Variants in AP3B1 observed in about 807,000 individuals in gnomAD.
AP3B1 encodes the protein AP-3 complex subunit beta-1.
In AP3B1, 61 loss-of-function variants were observed where a neutral mutation model predicts 132.5. The ratio of observed to expected loss-of-function variants is 0.46; its 90% CI spans 0.37 to 0.57. The LOEUF (loss-of-function observed/expected upper bound fraction) is 0.57, where lower values mean the gene tolerates loss of function less well. Among genes scored for constraint, AP3B1 ranks in the 20% least tolerant of loss-of-function variants. The probability of loss-of-function intolerance (pLI) is 0.00; values close to 1 mark genes in which losing one functional copy is unlikely to be tolerated. For missense variants in AP3B1, 1,120 were observed against 1,289.4 expected, an observed-to-expected ratio of 0.87 and a Z score of 2.01; for synonymous variants, 388 against 438.3, an observed-to-expected ratio of 0.89 and a Z score of 1.43.
At chr5:78,067,230 T>C (rs1183026294) in intron 22 of AP3B1, among the ~76,000 whole-genome samples, 3 of 152,190 alleles carry the variant, frequency 2.0e-5, no homozygotes, top group African/African-American at 7.2e-5. Flanking sequence ...TTAACCTAAA[T>C]ATACACGTAC....
intron 20 of AP3B1, 109 bp downstream of exon 20, chr5:78,110,097 AG>A: frequency 1.0e-6 from 1 of 987,912 alleles, no homozygotes; most frequent in South Asian, 1.5e-5. Context: ...TATAAGGGAA[AG>A]GCTTATCTAG....
chr5:78,294,675 G>T lies in AP3B1; in HGVS notation c.-96C>A. The T allele has an allele frequency of 6.3e-7, 1 of 1,587,590 alleles. No individual in the cohort carries two copies. Among genetic ancestry groups the T allele is most frequent in the East Asian group, 2.2e-5 (1 of 44,664 alleles). On this transcript the variant is annotated 5_prime_UTR_variant, in exon 1 of 27. Transcript: ENST00000255194. ...CACGGAACAAAACTAGTTCTCGTAC[G>T]GAGGAGCGCGCGCAGGCGCTTCCGG...
At chr5:78,127,030 C>T (rs950752351) in intron 17 of AP3B1, among the ~76,000 whole-genome samples, 1 of 152,104 alleles carries the variant, frequency 6.6e-6, no homozygotes, top group Non-Finnish European at 1.5e-5. Context: ...TTATTAATTC[C>T]GGCCATGCTT....
intron 3 of AP3B1, among the ~76,000 whole-genome samples, chr5:78,228,895 A>T (rs190709367): frequency 1.7e-3 from 259 of 152,342 alleles, no homozygotes; most frequent in African/African-American, 5.9e-3. Context: ...TAAAAATTCA[A>T]GAAGATTGGA....
chr5:78,240,909 C>G lies in AP3B1; in HGVS notation c.232G>C (p.Glu78Gln). Residue 78 changes from glutamate (E) to glutamine (Q), a missense_variant, in exon 3 of 27, where the codon GAA becomes CAA. Transcript: ENST00000255194. ...GMIAKGKNASELFPAVVKNVA... is the reference protein window; with the variant it reads ...GMIAKGKNASQLFPAVVKNVA... The stretch of plus-strand genomic sequence containing the variant: ...TTCTTCACAACAGCAGGAAACAGTT[C>G]AGATGCATTTTTCCCTTTTGCAATC... 6.2e-7 allele frequency: 1 copy of G among 1,613,094 alleles called. No homozygotes were observed. Among genetic ancestry groups the G allele is most frequent in the Non-Finnish European group, 8.5e-7 (1 of 1,179,324 alleles).
chr5:78,104,297 G>C (rs1344156208), intron 20 of AP3B1, among the ~76,000 whole-genome samples: 1 of 152,132 alleles, frequency 6.6e-6, no homozygotes, highest in Non-Finnish European at 1.5e-5. Flanking sequence ...TACACTGCTA[G>C]TAAATTGAGA....
intron 22 of AP3B1, among the ~76,000 whole-genome samples, chr5:78,080,544 G>A (rs886666616): frequency 1.6e-4 from 23 of 145,254 alleles, no homozygotes. Flanking sequence ...ATCGATTAGT[G>A]AGTCATGGAG....
At chr5:78,143,136 A>G (rs1753225092) in intron 14 of AP3B1, among the ~76,000 whole-genome samples, 1 of 152,126 alleles carries the variant, frequency 6.6e-6, no homozygotes, top group African/African-American at 2.4e-5. Flanking sequence ...TCAGAATTCT[A>G]TGACATACCA....
intron 21 of AP3B1, among the ~76,000 whole-genome samples, chr5:78,090,104 C>T (rs1233044558): frequency 2.0e-5 from 3 of 152,164 alleles, no homozygotes; most frequent in African/African-American, 7.2e-5. Flanking sequence ...TAAGACTCTT[C>T]AAAGGCTCAT....
chr5:78,191,354 C>CAAAAAAAAAAA (rs34733864), intron 7 of AP3B1, among the ~76,000 whole-genome samples: 20 of 72,846 alleles, frequency 2.7e-4, no homozygotes, highest in African/African-American at 1.1e-3. Context: ...TGCTTTTCCC[C>CAAAAAAAAAAA]AAAAAAAAAA....
chr5:78,226,045 A>C (rs1173722573), intron 5 of AP3B1, among the ~76,000 whole-genome samples: 1 of 152,114 alleles, frequency 6.6e-6, no homozygotes, highest in Non-Finnish European at 1.5e-5. Flanking sequence ...TAGTTCACTG[A>C]TAGAGACATG....
At chr5:78,097,045 C>A (rs532968317) in intron 21 of AP3B1, among the ~76,000 whole-genome samples, 1 of 122,410 alleles carries the variant, frequency 8.2e-6, no homozygotes, top group East Asian at 2.3e-4. Flanking sequence ...CCAGCCGCCC[C>A]GTCCGGGAGG....
chr5:78,096,569 C>G (rs1174154278), intron 21 of AP3B1, among the ~76,000 whole-genome samples: 2 of 151,088 alleles, frequency 1.3e-5, no homozygotes, highest in African/African-American at 2.4e-5. Context: ...AAGTGAGGAG[C>G]GTCTCTGCCC....
chr5:78,051,855 A>T (rs1223099726), intron 22 of AP3B1, among the ~76,000 whole-genome samples: 3 of 152,184 alleles, frequency 2.0e-5, no homozygotes, highest in Admixed American at 2.0e-4. Context: ...CTTTAAAATT[A>T]GTACTTTTAA....
At chr5:78,019,057 T>C (rs1241954890) in intron 25 of AP3B1, among the ~76,000 whole-genome samples, 7 of 152,162 alleles carry the variant, frequency 4.6e-5, no homozygotes, top group African/African-American at 1.7e-4. Flanking sequence ...AAATACTTCA[T>C]ATAAACAAAT....
At chr5:78,167,977 T>C (rs974174884) in intron 11 of AP3B1, among the ~76,000 whole-genome samples, 10 of 144,330 alleles carry the variant, frequency 6.9e-5, no homozygotes, top group African/African-American at 1.3e-4. Flanking sequence ...AACTTATGCA[T>C]GTAACCAAAC....
In AP3B1 at chr5:78,080,173, T is replaced by C. The variant is rs147133655; in HGVS notation, c.2577+9220A>G. Among the ~76,000 whole-genome samples, 271 of 152,166 alleles carry C rather than the reference T, an allele frequency of 1.8e-3. 2 individuals carry two copies. Among genetic ancestry groups the C allele is most frequent in the African/African-American group, 6.4e-3 (265 of 41,530 alleles). On this transcript the variant is annotated intron_variant, in intron 22 of 26. Coordinates refer to ENST00000255194, the MANE Select transcript of AP3B1 (RefSeq NM_003664.5). ...ACAGGTGTGTGCCACCATGCCCTGC[T>C]AATTTTTGTATTTTTTATAGAGATG...
intron 22 of AP3B1, among the ~76,000 whole-genome samples, chr5:78,058,980 C>T (rs916766178): frequency 2.6e-5 from 4 of 152,208 alleles, no homozygotes; most frequent in Admixed American, 6.5e-5. Flanking sequence ...TACAGAAAAA[C>T]AGCCCCTTCA....
intron 22 of AP3B1, among the ~76,000 whole-genome samples, chr5:78,083,410 G>A (rs1285320841): frequency 2.0e-5 from 3 of 152,134 alleles, no homozygotes; most frequent in Non-Finnish European, 4.4e-5. Context: ...TACCAGAGGT[G>A]AACAAGTTAT....
Sources: allele counts gnomAD v4.1 joint callset (sites outside exome capture counted in the v4.1 genomes callset), GRCh38; gene constraint gnomAD v4.1.1; transcripts MANE v1.5; gene names NCBI Gene and HGNC (gene_info 2026-07-23, HGNC 2026-07-21).